PRKCI: variants seen among roughly 807,000 people sequenced by gnomAD.
PRKCI encodes the protein protein kinase C iota type.
In PRKCI, 43 loss-of-function variants were observed where a neutral mutation model predicts 84.0. The ratio of observed to expected loss-of-function variants is 0.51; its 90% CI spans 0.40 to 0.66. PRKCI has a LOEUF of 0.66. Among genes scored for constraint, PRKCI ranks in the 30% least tolerant of loss-of-function variants. PRKCI has a pLI of 0.00. For synonymous variants in PRKCI, 216 were observed against 234.4 expected (o/e 0.92, Z 0.72); for missense variants, 459 against 745.6 (o/e 0.62, Z 4.48).
At chr3:170,260,765 G>A (rs1172888188) in intron 3 of PRKCI, among the ~76,000 whole-genome samples, 2 of 152,162 alleles carry the variant, frequency 1.3e-5, no homozygotes, top group East Asian at 3.9e-4. Flanking sequence ...TTTACATGAT[G>A]CTTTAGAGAC....
At chr3:170,223,534 A>C (rs1732551446) in intron 1 of PRKCI, among the ~76,000 whole-genome samples, 1 of 152,028 alleles carries the variant, frequency 6.6e-6, no homozygotes, top group Non-Finnish European at 1.5e-5. Flanking sequence ...ACAAGAAAAA[A>C]CCCAGTTCTA....
At chr3:170,231,757 G>T (rs778121465) in intron 1 of PRKCI, among the ~76,000 whole-genome samples, 6 of 152,144 alleles carry the variant, frequency 3.9e-5, no homozygotes, top group Admixed American at 2.0e-4. Context: ...GAGCCACTGC[G>T]CCCAGCCTTA....
At position 170,305,089 on chromosome 3, in the gene PRKCI, A is replaced by G. The variant is rs1734924015; in HGVS notation, c.*1962A>G. ...ACCTGAAACTTGTTTTAAAACAAAA[A>G]GCAGTATTCACTTCAAATCATAAAC... On this transcript the variant is annotated 3_prime_UTR_variant, in exon 18 of 18. Coordinates refer to ENST00000295797, the MANE Select transcript of PRKCI (RefSeq NM_002740.6). 2 of 152,504 alleles carry G rather than the reference A, an allele frequency of 1.3e-5. No homozygotes were observed. The highest frequency in any genetic ancestry group is 2.9e-5 in the Non-Finnish European group (2 of 68,036). 9.4% of individuals were successfully genotyped at this position (152,504 alleles called of 1,614,324 possible). A position where few individuals can be genotyped will look rare whatever the true frequency, so the allele number is the denominator to read the frequency against.
chr3:170,253,514 G>A (rs1168722399), intron 2 of PRKCI, among the ~76,000 whole-genome samples: 1 of 152,110 alleles, frequency 6.6e-6, no homozygotes, highest in African/African-American at 2.4e-5. Context: ...TTCAGGAGCC[G>A]GGCACAGTGG....
chr3:170,280,099 A>G, intron 8 of PRKCI, 128 bp from the exon 9 acceptor site: 1 of 828,864 alleles, frequency 1.2e-6, no homozygotes, highest in Non-Finnish European at 1.7e-6. Context: ...GAAAAATATT[A>G]AGAACTTAAA....
At position 170,222,674 on chromosome 3, in the gene PRKCI, C is replaced by T. The variant is rs1305218534; in HGVS notation, c.5C>T (p.Pro2Leu). The T allele has an allele frequency of 6.3e-6, 10 of 1,589,812 alleles. No homozygotes were observed. The East Asian group carries it at 9.2e-5, about 15-fold the overall frequency. Residue 2 changes from proline to leucine, a missense_variant, in exon 1 of 18, where the codon CCG (proline) becomes CTG (leucine). Physicochemically the swap from Pro to Leu is moderately conservative, Grantham distance 98. Around this residue, in one of 2 missense-constraint regions of PRKCI, gnomAD observed 250 missense variants for 319.7 expected, o/e 0.78. Coordinates refer to ENST00000295797, the MANE Select transcript of PRKCI (RefSeq NM_002740.6). M[P>L]TQRDSSTMSH... ...TTGAGGCGGGGGAGTGAGGAGATGC[C>T]GACCCAGAGGGACAGCAGCACCATG...
At chr3:170,300,142 C>G (rs555316091) in intron 17 of PRKCI, among the ~76,000 whole-genome samples, 2 of 152,292 alleles carry the variant, frequency 1.3e-5, no homozygotes, top group African/African-American at 4.8e-5. Flanking sequence ...ACATTTCTCC[C>G]AGCACCTGCT....
At chr3:170,263,564 A>T in intron 4 of PRKCI, 135 bp downstream of exon 4, 1 of 649,034 alleles carries the variant, frequency 1.5e-6, no homozygotes, top group Non-Finnish European at 2.5e-6. Flanking sequence ...CACTGTGGGA[A>T]GCTGAGGTGG....
intron 7 of PRKCI, 110 bp from the exon 8 acceptor site, chr3:170,275,119 T>A: frequency 1.5e-6 from 2 of 1,312,856 alleles, no homozygotes; most frequent in Non-Finnish European, 1.0e-6. Flanking sequence ...AAGTAAAAAC[T>A]AAAATAAAAA....
intron 14 of PRKCI, among the ~76,000 whole-genome samples, chr3:170,295,630 C>T (rs1009829195): frequency 2.0e-5 from 3 of 149,604 alleles, no homozygotes; most frequent in Non-Finnish European, 3.0e-5. Context: ...GAGCTGAGAT[C>T]GTGCCACTGT....
intron 17 of PRKCI, 23 bp from the exon 18 acceptor site, chr3:170,303,014 AAAT>A: frequency 6.6e-7 from 1 of 1,519,254 alleles, no homozygotes; most frequent in Non-Finnish European, 9.0e-7. Flanking sequence ...ATTATGATGA[AAAT>A]AAATTTATTT....
In PRKCI at chr3:170,235,254, A is replaced by C. The variant is rs1247357692; in HGVS notation, c.126A>C (p.Glu42Asp). 6.2e-7 allele frequency: 1 copy of C among 1,613,736 alleles called. No individual in the cohort carries two copies. The highest frequency in any genetic ancestry group is 1.3e-5 in the African/African-American group (1 of 74,908). Reference sequence around the variant, plus strand: ...GGGATATCATGATAACACATTTTGAACCTTCCATCTCCTTTGAGGGCCTTT... The same window carrying C: ...GGGATATCATGATAACACATTTTGACCCTTCCATCTCCTTTGAGGGCCTTT... The part of the protein sequence containing the change: ...YRGDIMITHF[E>D]PSISFEGLCN... The change falls in exon 2 of 18, where the codon GAA becomes GAC. Residue 42 changes from glutamate (E) to aspartate (D), a missense_variant. Physicochemically the swap from Glu to Asp is conservative, Grantham distance 45. Coordinates refer to ENST00000295797, the MANE Select transcript of PRKCI (RefSeq NM_002740.6).
At chr3:170,261,559 C>T (rs1193066643) in intron 3 of PRKCI, among the ~76,000 whole-genome samples, 2 of 152,000 alleles carry the variant, frequency 1.3e-5, no homozygotes, top group African/African-American at 4.8e-5. Context: ...TCTCAACTCA[C>T]TGCAACCTTG....
intron 2 of PRKCI, among the ~76,000 whole-genome samples, chr3:170,249,903 T>C (rs896360249): frequency 1.3e-5 from 2 of 152,156 alleles, no homozygotes. Flanking sequence ...TTTATTTCTT[T>C]GAGGAAAAAT....
rs948834721 is a variant in PRKCI at position 170,273,312 on chromosome 3, A to G, written c.618A>G (p.Ser206=). Residue 206 remains serine (S), a synonymous_variant, in exon 7 of 18, where the codon TCA becomes TCG. Transcript: ENST00000295797. ...AACCAGTGATGCCCATGGATCAGTC[A>G]TCCATGCATTCTGACCATGCACAGA... The part of the protein sequence containing the change: ...PQEPVMPMDQ[S]SMHSDHAQTV... The G allele has an allele frequency of 1.9e-6, 3 of 1,613,856 alleles. No individual in the cohort carries two copies. The highest frequency in any genetic ancestry group is 1.1e-5 in the South Asian group (1 of 91,080).
chr3:170,288,558 G>A (rs1313095345), intron 12 of PRKCI, among the ~76,000 whole-genome samples: 2 of 152,040 alleles, frequency 1.3e-5, no homozygotes, highest in Non-Finnish European at 2.9e-5. Flanking sequence ...AGACCAGCCT[G>A]GCCAACATGG....
At chr3:170,241,870 G>A (rs910129775) in intron 2 of PRKCI, among the ~76,000 whole-genome samples, 6 of 152,096 alleles carry the variant, frequency 3.9e-5, no homozygotes, top group Non-Finnish European at 8.8e-5. Context: ...GCTCACACCT[G>A]TAATCTCAGC....
chr3:170,224,806 G>A (rs908970009), intron 1 of PRKCI, among the ~76,000 whole-genome samples: 1 of 152,220 alleles, frequency 6.6e-6, no homozygotes, highest in Non-Finnish European at 1.5e-5. Context: ...TTACAGGCAT[G>A]AGCCACTGCG....
chr3:170,279,069 G>A (rs1051143422), intron 8 of PRKCI, among the ~76,000 whole-genome samples: 2 of 152,084 alleles, frequency 1.3e-5, no homozygotes, highest in Non-Finnish European at 2.9e-5. Flanking sequence ...ACTTTGTGAT[G>A]CAGGCTGGAG....
Sources: allele counts gnomAD v4.1 joint callset (sites outside exome capture counted in the v4.1 genomes callset), GRCh38; gene constraint gnomAD v4.1.1; regional missense constraint gnomAD v4.1.1; transcripts MANE v1.5; gene names NCBI Gene and HGNC (gene_info 2026-07-23, HGNC 2026-07-21).